CDV3: variants seen among roughly 807,000 people sequenced by gnomAD.
CDV3 encodes protein CDV3 homolog.
CDV3 carries 14 observed loss-of-function variants against 24.5 expected under a neutral mutation model. That is an observed-to-expected ratio of 0.57 (90% confidence interval 0.38 to 0.89). The LOEUF (loss-of-function observed/expected upper bound fraction) is 0.89. CDV3 is among the 40% of genes least tolerant of loss of function. The pLI is 0.00. For synonymous variants in CDV3, 114 were observed against 114.1 expected, an observed-to-expected ratio of 1.00 and a Z score of 0.00; for missense variants, 304 against 310.2, an observed-to-expected ratio of 0.98 and a Z score of 0.15.
At chr3:133,587,799 C>T in intron 4 of CDV3, 97 bp from the exon 5 acceptor site, 1 of 1,504,842 alleles carries the variant, frequency 6.6e-7, no homozygotes, top group Non-Finnish European at 8.8e-7. Context: ...CCCCAGGATT[C>T]TTCTAAGGGG....
chr3:133,587,595 A>T (rs1933746472), intron 4 of CDV3: 3 of 1,126,304 alleles, frequency 2.7e-6, no homozygotes, highest in Non-Finnish European at 3.3e-6. Context: ...TAAAAGTAAG[A>T]GTCTTAGGAG....
chr3:133,587,485 C>A, intron 4 of CDV3: 1 of 1,122,384 alleles, frequency 8.9e-7, no homozygotes, highest in Non-Finnish European at 1.1e-6. Flanking sequence ...CCCACAAAAT[C>A]GATGTGAGGA....
chr3:133,580,667 A>C (rs1208320460), intron 2 of CDV3, among the ~76,000 whole-genome samples: 2 of 151,744 alleles, frequency 1.3e-5, no homozygotes, highest in African/African-American at 4.8e-5. Flanking sequence ...AGGCCATTGC[A>C]CTCCAGTCTG....
chr3:133,588,244 T>C lies in CDV3; in HGVS notation c.*198T>C. 6.5e-7 allele frequency: 1 copy of C among 1,540,368 alleles called. No individual in the cohort carries two copies. Among genetic ancestry groups the C allele is most frequent in the East Asian group, 2.4e-5 (1 of 40,894 alleles). ...TTGGATTTAGGGGAATTTTCATTGT[T>C]ACATAAATGTGTGAACTAGTTTCAA... On this transcript the variant is annotated 3_prime_UTR_variant, in exon 5 of 5. Transcript: ENST00000264993.
Position 133,589,212 on chromosome 3 carries a change from C to CT in CDV3, c.*1169dup, listed in dbSNP as rs1933897533. 1 of 152,632 alleles carries CT rather than the reference C, an allele frequency of 6.6e-6. No individual in the cohort carries two copies. The highest frequency in any genetic ancestry group is 2.4e-5 in the African/African-American group (1 of 41,450). The allele number at this position is 152,632 out of a possible 1,614,324, so 9.5% of individuals were successfully genotyped here. A position where few individuals can be genotyped will look rare whatever the true frequency, so the allele number is the denominator to read the frequency against. Reference sequence around the variant, plus strand: ...TTAAGTGGCATGGATTGTGCATGATCTTTGATAAGAATTCCTCATGTACTT... The same window carrying CT: ...TTAAGTGGCATGGATTGTGCATGATCTTTTGATAAGAATTCCTCATGTACTT... On this transcript the variant is annotated 3_prime_UTR_variant, in exon 5 of 5. Coordinates refer to ENST00000264993, the MANE Select transcript of CDV3 (RefSeq NM_017548.5).
rs943238368 is a variant in CDV3, at chr3:133,588,475, C to T, written c.*429C>T. 9.4e-7 allele frequency: 1 copy of T among 1,064,716 alleles called. No individual in the cohort carries two copies. The highest frequency in any genetic ancestry group is 1.6e-5 in the African/African-American group (1 of 63,344). 66.0% of individuals were successfully genotyped at this position (1,064,716 alleles called of 1,614,324 possible). Reference sequence around the variant, plus strand: ...TAAGTGTCGATGTGAACCTTGCAACCAGCTCTACTGGATTCTTATCAGAAA... The same window carrying T: ...TAAGTGTCGATGTGAACCTTGCAACTAGCTCTACTGGATTCTTATCAGAAA... On this transcript the variant is annotated 3_prime_UTR_variant, in exon 5 of 5. Transcript: ENST00000264993.
At position 133,586,609 on chromosome 3, in the gene CDV3, T is replaced by C; in HGVS notation, c.513T>C (p.Pro171=). ...EPAMTSGVYR[P]PGARLTTTRK... Reference sequence around the variant, plus strand: ...CGATGACTAGTGGTGTGTATAGGCCTCCTGGGGCCAGGTTAACCACAACAA... The same window carrying C: ...CGATGACTAGTGGTGTGTATAGGCCCCCTGGGGCCAGGTTAACCACAACAA... The change falls in exon 4 of 5, where the codon CCT becomes CCC. Residue 171 remains proline (P), a synonymous_variant. Coordinates refer to ENST00000264993, the MANE Select transcript of CDV3 (RefSeq NM_017548.5). 1 of 1,599,676 alleles carries C rather than the reference T, an allele frequency of 6.3e-7. No homozygotes were observed. Among genetic ancestry groups the C allele is most frequent in the Non-Finnish European group, 8.6e-7 (1 of 1,166,798 alleles).
rs529088847 is a variant in CDV3, at chr3:133,580,258, A to G, written c.318-3744A>G. On this transcript the variant is annotated intron_variant, in intron 2 of 4. Transcript: ENST00000264993. Reference sequence around the variant, plus strand: ...TCCTTGTGATATTTTGCTGAGAATGATGGTTTCCAGCTTTATCCATGTCCC... The same window carrying G: ...TCCTTGTGATATTTTGCTGAGAATGGTGGTTTCCAGCTTTATCCATGTCCC... 2.6e-3 allele frequency among the ~76,000 whole-genome samples: 403 copies of G among 152,156 alleles called. 2 individuals are homozygous for G. Among genetic ancestry groups the G allele is most frequent in the African/African-American group, 9.0e-3 (374 of 41,504 alleles).
intron 2 of CDV3, 41 bp downstream of exon 2, chr3:133,575,156 T>C (rs1192006473): frequency 9.4e-7 from 1 of 1,065,292 alleles, no homozygotes; most frequent in Non-Finnish European, 1.5e-6. Flanking sequence ...ACCTTTGGGA[T>C]AGATATTGGA....
At chr3:133,576,133 G>A (rs2074796728) in intron 2 of CDV3, among the ~76,000 whole-genome samples, 1 of 152,174 alleles carries the variant, frequency 6.6e-6, no homozygotes, top group Admixed American at 6.6e-5. Context: ...GACATTTGTT[G>A]AACACCTACC....
chr3:133,582,030 A>G (rs1933081136), intron 2 of CDV3, among the ~76,000 whole-genome samples: 1 of 152,214 alleles, frequency 6.6e-6, no homozygotes, highest in South Asian at 2.1e-4. Flanking sequence ...AGTTGTAAGT[A>G]AAATCTTGCT....
chr3:133,587,073 C>A, intron 4 of CDV3: 1 of 651,336 alleles, frequency 1.5e-6, no homozygotes, highest in Non-Finnish European at 2.4e-6. Context: ...TATAAAAGCG[C>A]TGTTTAATTG....
intron 1 of CDV3, 186 bp from the exon 2 acceptor site, chr3:133,574,853 G>A: frequency 1.4e-6 from 1 of 739,622 alleles, no homozygotes; most frequent in Non-Finnish European, 2.0e-6. Flanking sequence ...TATAGTGTTA[G>A]CCTACGAGCA....
chr3:133,586,275 T>TA (rs1284729754), intron 3 of CDV3, among the ~76,000 whole-genome samples: 5 of 152,064 alleles, frequency 3.3e-5, no homozygotes, highest in Non-Finnish European at 7.4e-5. Context: ...TTTGTATTTT[T>TA]AGTAGAGACA....
At chr3:133,574,466 G>C in intron 1 of CDV3, 182 bp downstream of exon 1, 1 of 986,496 alleles carries the variant, frequency 1.0e-6, no homozygotes, top group Non-Finnish European at 1.2e-6. Flanking sequence ...GACCCCTTCC[G>C]ATATCCGCGG....
chr3:133,585,512 TA>T (rs754539234), intron 3 of CDV3, among the ~76,000 whole-genome samples: 3,622 of 118,832 alleles, frequency 0.03, 123 homozygotes, highest in African/African-American at 0.11. Context: ...TTTTTTTTTT[TA>T]AGACAAAGTC....
rs369127985 is a variant in CDV3, at chr3:133,574,983, G to T, written c.241-56G>T. On this transcript the variant is annotated intron_variant, in intron 1 of 4. Transcript: ENST00000264993. ...ATCCACTTTTCGTAGTGTGTTATTT[G>T]CTTAGTTATATGTCTACAAATAGCT... 2.0e-5 allele frequency: 21 copies of T among 1,059,420 alleles called. No homozygotes were observed. In the African/African-American group the frequency reaches 3.0e-4, roughly 15 times the overall value. The allele number at this position is 1,059,420 out of a possible 1,614,324, so 65.6% of individuals were successfully genotyped here.
At chr3:133,578,524 A>G (rs753789175) in intron 2 of CDV3, among the ~76,000 whole-genome samples, 1 of 152,202 alleles carries the variant, frequency 6.6e-6, no homozygotes, top group Non-Finnish European at 1.5e-5. Flanking sequence ...TGGTTGTAGA[A>G]ATAAGTCATG....
chr3:133,582,833 C>T (rs1007905533), intron 2 of CDV3, among the ~76,000 whole-genome samples: 24 of 152,050 alleles, frequency 1.6e-4, no homozygotes, highest in African/African-American at 5.6e-4. Flanking sequence ...GGTGTATCTT[C>T]GAGGTGAAGA....
Sources: allele counts gnomAD v4.1 joint callset (sites outside exome capture counted in the v4.1 genomes callset), GRCh38; gene constraint gnomAD v4.1.1; transcripts MANE v1.5; gene names NCBI Gene and HGNC (gene_info 2026-07-23, HGNC 2026-07-21).